Variants in CRYL1 observed in about 807,000 individuals in gnomAD.
The protein encoded by CRYL1 is crystallin lambda 1.
Under a neutral mutation model 36.6 loss-of-function variants are expected in CRYL1, and 29 were observed. The observed-to-expected ratio is 0.79, with a 90% CI of 0.59 to 1.08. The LOEUF (loss-of-function observed/expected upper bound fraction) is 1.08. CRYL1 is among the 50% of genes least tolerant of loss of function. The probability of loss-of-function intolerance (pLI) is 0.00; values close to 1 mark genes in which losing one functional copy is unlikely to be tolerated. For missense variants in CRYL1, 411 were observed against 407.9 expected (o/e 1.01, Z -0.06); for synonymous variants, 152 against 151.5 (o/e 1.00, Z -0.02).
chr13:20,416,165 G>A (rs1048649396), intron 5 of CRYL1, among the ~76,000 whole-genome samples: 1 of 152,144 alleles, frequency 6.6e-6, no homozygotes, highest in Non-Finnish European at 1.5e-5. Context: ...AATCTGGTAG[G>A]GTGAAATGGT....
intron 3 of CRYL1, among the ~76,000 whole-genome samples, chr13:20,450,916 A>G (rs2032557335): frequency 6.6e-6 from 1 of 152,114 alleles, no homozygotes; most frequent in Non-Finnish European, 1.5e-5. Context: ...TTGTAGGGAC[A>G]TGGATGAAGC....
intron 5 of CRYL1, among the ~76,000 whole-genome samples, chr13:20,429,934 G>A (rs971066765): frequency 6.6e-6 from 1 of 152,160 alleles, no homozygotes; most frequent in African/African-American, 2.4e-5. Context: ...TGAAGTAGCT[G>A]GCCAACGGAG....
chr13:20,421,492 C>G (rs185160326), intron 5 of CRYL1, among the ~76,000 whole-genome samples: 153 of 152,298 alleles, frequency 1.0e-3, no homozygotes, highest in African/African-American at 3.7e-3. Flanking sequence ...CTTGATGGCC[C>G]ATAGGGCTCC....
intron 5 of CRYL1, chr13:20,430,324 T>A: frequency 5.1e-6 from 5 of 985,386 alleles, no homozygotes; most frequent in Non-Finnish European, 4.8e-6. Flanking sequence ...GGCACTCAGT[T>A]CCTTACAGGG....
intron 3 of CRYL1, among the ~76,000 whole-genome samples, chr13:20,457,503 T>A (rs2032716163): frequency 6.6e-6 from 1 of 152,190 alleles, no homozygotes; most frequent in South Asian, 2.1e-4. Flanking sequence ...GATGTGGAAA[T>A]GAGGTCAGAT....
At chr13:20,450,362 G>C (rs994716713) in intron 3 of CRYL1, among the ~76,000 whole-genome samples, 2 of 152,150 alleles carry the variant, frequency 1.3e-5, no homozygotes, top group African/African-American at 4.8e-5. Flanking sequence ...TTCAATAAAT[G>C]GTGCTGGGAT....
chr13:20,460,347 C>T (rs532962452), intron 3 of CRYL1, among the ~76,000 whole-genome samples: 3 of 152,140 alleles, frequency 2.0e-5, no homozygotes, highest in African/African-American at 4.8e-5. Context: ...GCATAGAAAG[C>T]GATAGTTTAT....
At chr13:20,419,788 T>G (rs1009257501) in intron 5 of CRYL1, among the ~76,000 whole-genome samples, 1 of 152,156 alleles carries the variant, frequency 6.6e-6, no homozygotes, top group African/African-American at 2.4e-5. Context: ...ATTATGAGTT[T>G]GTTCCCTCCA....
intron 4 of CRYL1, 66 bp downstream of exon 4, chr13:20,439,527 A>C: frequency 2.8e-6 from 3 of 1,088,208 alleles, no homozygotes; most frequent in Non-Finnish European, 2.5e-6. Context: ...AAAAAAAAAA[A>C]AAAGAAAAAA....
chr13:20,499,558 C>CAGGAGAGTG (rs1390340265), intron 2 of CRYL1, among the ~76,000 whole-genome samples: 5 of 151,312 alleles, frequency 3.3e-5, no homozygotes, highest in African/African-American at 1.2e-4. Flanking sequence ...GAGGCTGAGG[C>CAGGAGAGTG]AGGAGAGTGG....
chr13:20,457,814 C>T (rs1406344208), intron 3 of CRYL1, among the ~76,000 whole-genome samples: 2 of 152,198 alleles, frequency 1.3e-5, no homozygotes, highest in East Asian at 1.9e-4. Flanking sequence ...GCTCGTTTAA[C>T]TTTCACTCAC....
chr13:20,508,788 G>A (rs1484180911), intron 2 of CRYL1, among the ~76,000 whole-genome samples: 1 of 140,024 alleles, frequency 7.1e-6, no homozygotes, highest in African/African-American at 2.7e-5. Context: ...GGTGGAGCTT[G>A]CAGCGAGCAG....
rs201815759 is a variant in CRYL1 at position 20,491,295 on chromosome 13, A to AC, written c.150-1800_150-1799insG. Among the ~76,000 whole-genome samples the AC allele has an allele frequency of 2.8e-4, 42 of 151,938 alleles. No homozygotes were observed. The East Asian group carries it at 7.3e-3, about 27-fold the overall frequency. ...AGATTCGTAATATATCAGCTTAAAA[A>AC]AATCTACTTATCTTAAAATAGGGCC... is the stretch of plus-strand genomic sequence containing the variant. On this transcript the variant is annotated intron_variant, in intron 2 of 7. Coordinates refer to ENST00000298248, the MANE Select transcript of CRYL1 (RefSeq NM_015974.3).
At position 20,512,520 on chromosome 13, in the gene CRYL1, C is replaced by G. The variant is rs112911946; in HGVS notation, c.72G>C (p.Leu24=). ...TCACCTGGAAGCCTCCACTGGCAAA[C>G]AGCATGGCCCAGCTTCGCCCAATGA... ...SGVIGRSWAM[L]FASGGFQVKL... The change falls in exon 2 of 8, where the codon CTG becomes CTC. Residue 24 remains leucine (L), a synonymous_variant. Coordinates refer to ENST00000298248, the MANE Select transcript of CRYL1 (RefSeq NM_015974.3). 1,504 of 1,614,032 alleles carry G rather than the reference C, an allele frequency of 9.3e-4. 13 individuals are homozygous for G. The African/African-American group carries it at 0.018, about 19-fold the overall frequency.
At chr13:20,488,798 CGGG>C (rs2033450091) in intron 3 of CRYL1, among the ~76,000 whole-genome samples, 1 of 152,230 alleles carries the variant, frequency 6.6e-6, no homozygotes, top group Non-Finnish European at 1.5e-5. Context: ...GCTCCAGGAG[CGGG>C]ATGCCTGGAA....
intron 4 of CRYL1, among the ~76,000 whole-genome samples, chr13:20,434,770 C>T (rs1214832330): frequency 2.6e-5 from 4 of 151,794 alleles, no homozygotes; most frequent in Non-Finnish European, 5.9e-5. Context: ...ACCACCAAGT[C>T]TGTGGTTCAC....
At chr13:20,517,241 G>A (rs531176263) in intron 1 of CRYL1, among the ~76,000 whole-genome samples, 45 of 152,196 alleles carry the variant, frequency 3.0e-4, no homozygotes, top group Non-Finnish European at 5.3e-4. Flanking sequence ...ATGCAGTACA[G>A]GCCGAGTGGG....
intron 2 of CRYL1, among the ~76,000 whole-genome samples, chr13:20,507,104 C>T (rs1432189098): frequency 6.6e-6 from 1 of 152,198 alleles, no homozygotes. Flanking sequence ...GATTGTGAGG[C>T]CTCCCCAGCC....
rs189700830 is a variant in CRYL1 at position 20,447,523 on chromosome 13, C to G, written c.277-7769G>C. On this transcript the variant is annotated intron_variant, in intron 3 of 7. Coordinates refer to ENST00000298248, the MANE Select transcript of CRYL1 (RefSeq NM_015974.3). ...AAATCAGAGCCCTTCCACCACCCCC[C>G]CTCCCTAGGCTGACAAGTATTAGGT... Among the ~76,000 whole-genome samples the G allele has an allele frequency of 7.6e-4, 116 of 152,174 alleles. No homozygotes were observed. The East Asian group carries it at 0.021, about 27-fold the overall frequency.
Sources: gnomAD v4.1 joint callset for allele counts (sites outside exome capture counted in the v4.1 genomes callset) on GRCh38, gnomAD v4.1.1 for gene constraint, MANE v1.5 for transcripts, NCBI Gene and HGNC (gene_info 2026-07-23, HGNC 2026-07-21) for gene names.